Variants in PXDNL observed in about 807,000 individuals in gnomAD.
The protein encoded by PXDNL is peroxidasin like, also known as probable oxidoreductase PXDNL.
In PXDNL, 145 loss-of-function variants were observed where a neutral mutation model predicts 150.8. The observed-to-expected ratio is 0.96, with a 90% CI of 0.84 to 1.10. The LOEUF (loss-of-function observed/expected upper bound fraction) is 1.10. Ranked by LOEUF, PXDNL falls within the 50% of genes least tolerant of loss-of-function variation. The probability of loss-of-function intolerance (pLI) is 0.00; values close to 1 mark genes in which losing one functional copy is unlikely to be tolerated. For missense variants in PXDNL, 2,087 were observed against 1,873.9 expected (o/e 1.11, Z -2.10); for synonymous variants, 757 against 725.7 (o/e 1.04, Z -0.69).
At chr8:51,323,947 AT>A (rs1311938753) in intron 21 of PXDNL, among the ~76,000 whole-genome samples, 1 of 129,006 alleles carries the variant, frequency 7.8e-6, no homozygotes, top group Non-Finnish European at 1.6e-5. Context: ...AAATAAAAAA[AT>A]AAAAAAAAAA....
chr8:51,433,481 G>GT (rs1243347769), intron 12 of PXDNL, among the ~76,000 whole-genome samples: 1 of 151,924 alleles, frequency 6.6e-6, no homozygotes, highest in African/African-American at 2.4e-5. Context: ...CAGAGATTAA[G>GT]TTTTTTGTCC....
chr8:51,641,156 A>G (rs1814741537), intron 2 of PXDNL, among the ~76,000 whole-genome samples: 1 of 150,912 alleles, frequency 6.6e-6, no homozygotes, highest in Admixed American at 6.6e-5. Context: ...AGCCATATGT[A>G]GAAAGCTGAA....
chr8:51,788,747 G>A (rs1431060647), intron 1 of PXDNL, among the ~76,000 whole-genome samples: 3 of 152,186 alleles, frequency 2.0e-5, no homozygotes, highest in African/African-American at 7.2e-5. Flanking sequence ...TCCCAGTGCT[G>A]GGATGTGTTC....
At chr8:51,388,151 A>G (rs1420076315) in intron 17 of PXDNL, among the ~76,000 whole-genome samples, 1 of 152,174 alleles carries the variant, frequency 6.6e-6, no homozygotes, top group African/African-American at 2.4e-5. Context: ...AGAAACTATT[A>G]AAAGTAATTT....
intron 5 of PXDNL, among the ~76,000 whole-genome samples, chr8:51,494,574 G>T (rs912715115): frequency 6.6e-6 from 1 of 152,060 alleles, no homozygotes; most frequent in Non-Finnish European, 1.5e-5. Flanking sequence ...AAAATAAAGG[G>T]ATGGAAGAAG....
chr8:51,801,665 C>T (rs997808322), intron 1 of PXDNL, among the ~76,000 whole-genome samples: 2 of 152,128 alleles, frequency 1.3e-5, no homozygotes, highest in Non-Finnish European at 2.9e-5. Context: ...GGCTGGTTCC[C>T]GATAAAGAAC....
intron 14 of PXDNL, among the ~76,000 whole-genome samples, chr8:51,413,685 T>C (rs10435583): frequency 6.6e-6 from 1 of 152,006 alleles, no homozygotes; most frequent in Non-Finnish European, 1.5e-5. Context: ...AAGGCAAGAA[T>C]TGAACTCTCA....
intron 4 of PXDNL, among the ~76,000 whole-genome samples, chr8:51,550,634 C>T (rs1331643212): frequency 6.6e-6 from 1 of 152,090 alleles, no homozygotes; most frequent in Non-Finnish European, 1.5e-5. Context: ...ACTCAGCATC[C>T]TTTATGATTA....
At chr8:51,720,727 G>C (rs1020290000) in intron 1 of PXDNL, among the ~76,000 whole-genome samples, 2 of 152,190 alleles carry the variant, frequency 1.3e-5, no homozygotes, top group African/African-American at 4.8e-5. Context: ...GAAGCATCTA[G>C]GACACCAACA....
intron 6 of PXDNL, among the ~76,000 whole-genome samples, chr8:51,480,885 A>G (rs930397764): frequency 6.6e-6 from 1 of 152,180 alleles, no homozygotes; most frequent in African/African-American, 2.4e-5. Context: ...GAGTCCATTA[A>G]ACCTCTTTTT....
At chr8:51,747,532 A>G (rs999115674) in intron 1 of PXDNL, among the ~76,000 whole-genome samples, 8 of 152,238 alleles carry the variant, frequency 5.3e-5, no homozygotes, top group African/African-American at 1.9e-4. Flanking sequence ...GCAAGGATTA[A>G]GAAGAAACTC....
chr8:51,580,418 G>A (rs1813183475), intron 3 of PXDNL, among the ~76,000 whole-genome samples: 1 of 152,112 alleles, frequency 6.6e-6, no homozygotes, highest in South Asian at 2.1e-4. Flanking sequence ...AATGAATGTA[G>A]ATTGAAATGA....
intron 1 of PXDNL, among the ~76,000 whole-genome samples, chr8:51,730,168 T>C (rs1027212915): frequency 6.6e-6 from 1 of 151,452 alleles, no homozygotes; most frequent in Admixed American, 6.6e-5. Context: ...ACTTGTAACA[T>C]CTCATTCAGG....
intron 2 of PXDNL, among the ~76,000 whole-genome samples, chr8:51,596,348 T>G (rs1813563661): frequency 6.6e-6 from 1 of 152,198 alleles, no homozygotes; most frequent in African/African-American, 2.4e-5. Context: ...TGTAGAGAGC[T>G]GTGATTAACA....
intron 1 of PXDNL, among the ~76,000 whole-genome samples, chr8:51,748,583 C>T (rs1344984874): frequency 6.6e-6 from 1 of 152,152 alleles, no homozygotes; most frequent in Non-Finnish European, 1.5e-5. Flanking sequence ...TTAGCAAGAA[C>T]AGCTGGAAAG....
chr8:51,595,112 T>A (rs1264069645), intron 2 of PXDNL, among the ~76,000 whole-genome samples: 2 of 152,158 alleles, frequency 1.3e-5, no homozygotes, highest in African/African-American at 4.8e-5. Flanking sequence ...AAACAATTTC[T>A]GAAAACAGGA....
chr8:51,522,703 G>C (rs924066949), intron 4 of PXDNL, among the ~76,000 whole-genome samples: 32 of 152,180 alleles, frequency 2.1e-4, no homozygotes, highest in Admixed American at 1.4e-3. Flanking sequence ...AATTACCTGG[G>C]CATTGTGGTG....
At chr8:51,437,632 C>T (rs1809438981) in intron 12 of PXDNL, among the ~76,000 whole-genome samples, 1 of 152,124 alleles carries the variant, frequency 6.6e-6, no homozygotes. Context: ...TTGACAAAAT[C>T]CAGCATCTCT....
At chr8:51,549,152 A>G (rs1812427659) in intron 4 of PXDNL, among the ~76,000 whole-genome samples, 1 of 152,190 alleles carries the variant, frequency 6.6e-6, no homozygotes, top group African/African-American at 2.4e-5. Flanking sequence ...ACATATGCAC[A>G]TAACACTGGA....
Sources: allele counts gnomAD v4.1 joint callset (sites outside exome capture counted in the v4.1 genomes callset), GRCh38; gene constraint gnomAD v4.1.1; transcripts MANE v1.5; gene names NCBI Gene and HGNC (gene_info 2026-07-23, HGNC 2026-07-21).